ENOX1: variants seen among roughly 807,000 people sequenced by gnomAD.
ENOX1 encodes ecto-NOX disulfide-thiol exchanger 1, also known as candidate growth-related and time keeping constitutive hydroquinone (NADH) oxidase.
Under a neutral mutation model 82.5 loss-of-function variants are expected in ENOX1, and 42 were observed. The observed-to-expected ratio is 0.51, with a 90% CI of 0.40 to 0.66. The LOEUF is 0.66. ENOX1 is among the 30% of genes least tolerant of loss of function. The pLI is 0.00. For missense variants in ENOX1, 608 were observed against 811.6 expected, an observed-to-expected ratio of 0.75 and a Z score of 3.05; for synonymous variants, 271 against 282.2, an observed-to-expected ratio of 0.96 and a Z score of 0.40.
intron 14 of ENOX1, among the ~76,000 whole-genome samples, chr13:43,262,172 G>A (rs909230862): frequency 1.3e-5 from 2 of 152,084 alleles, no homozygotes; most frequent in African/African-American, 4.8e-5. Flanking sequence ...AAGCGTTAAT[G>A]GTGGTTATCT....
intron 1 of ENOX1, among the ~76,000 whole-genome samples, chr13:43,729,726 T>A (rs2089220331): frequency 6.6e-6 from 1 of 152,220 alleles, no homozygotes. Flanking sequence ...AGGAAGCAGA[T>A]GACAGAACAA....
intron 3 of ENOX1, among the ~76,000 whole-genome samples, chr13:43,478,944 C>CCCCAAGCCTTT (rs1555293795): frequency 6.6e-6 from 1 of 150,916 alleles, no homozygotes; most frequent in Non-Finnish European, 1.5e-5. Context: ...AGAGCCATTT[C>CCCCAAGCCTTT]GGGGGAGAAA....
chr13:43,379,559 A>C (rs2051885342), intron 5 of ENOX1, among the ~76,000 whole-genome samples: 1 of 152,116 alleles, frequency 6.6e-6, no homozygotes, highest in Non-Finnish European at 1.5e-5. Flanking sequence ...TTAACAGCAG[A>C]TTTGATGATT....
intron 9 of ENOX1, among the ~76,000 whole-genome samples, chr13:43,330,218 A>G (rs2048341071): frequency 6.6e-6 from 1 of 152,210 alleles, no homozygotes; most frequent in African/African-American, 2.4e-5. Flanking sequence ...CTTCTCAGAG[A>G]AAGATATAAC....
chr13:43,555,913 T>C (rs918778353), intron 2 of ENOX1, among the ~76,000 whole-genome samples: 3 of 152,240 alleles, frequency 2.0e-5, no homozygotes, highest in South Asian at 2.1e-4. Flanking sequence ...TTTTTAGAGA[T>C]AGCACAGAGC....
chr13:43,387,727 T>C (rs2052512441), intron 5 of ENOX1, among the ~76,000 whole-genome samples: 1 of 152,020 alleles, frequency 6.6e-6, no homozygotes, highest in African/African-American at 2.4e-5. Context: ...TATACACATA[T>C]ATGCATAAAC....
At chr13:43,315,040 A>G (rs1284969131) in intron 11 of ENOX1, among the ~76,000 whole-genome samples, 2 of 152,222 alleles carry the variant, frequency 1.3e-5, no homozygotes, top group African/African-American at 4.8e-5. Flanking sequence ...CTTGTCTGAA[A>G]CCAAAATCAT....
intron 1 of ENOX1, among the ~76,000 whole-genome samples, chr13:43,691,242 C>T (rs761408288): frequency 9.2e-5 from 14 of 151,962 alleles, no homozygotes; most frequent in Non-Finnish European, 1.6e-4. Context: ...AAGTAAGTAC[C>T]AAAACAAGTC....
At chr13:43,281,668 G>A (rs1157604455) in intron 12 of ENOX1, among the ~76,000 whole-genome samples, 7 of 152,124 alleles carry the variant, frequency 4.6e-5, no homozygotes, top group African/African-American at 1.7e-4. Context: ...TTTTGCTGAA[G>A]TCATCTGAAA....
At chr13:43,387,531 C>T (rs1330926781) in intron 5 of ENOX1, among the ~76,000 whole-genome samples, 1 of 152,084 alleles carries the variant, frequency 6.6e-6, no homozygotes, top group East Asian at 1.9e-4. Context: ...AGGGCCTCCT[C>T]ATCCCCACTA....
intron 1 of ENOX1, among the ~76,000 whole-genome samples, chr13:43,719,302 T>TACATACACACACAC (rs547079621): frequency 7.9e-6 from 1 of 126,682 alleles, no homozygotes; most frequent in Non-Finnish European, 1.7e-5. Context: ...TTCATTCAAA[T>TACATACACACACAC]ACACACACAC....
intron 5 of ENOX1, among the ~76,000 whole-genome samples, chr13:43,399,698 G>A (rs77062198): frequency 0.011 from 1,623 of 152,168 alleles, 23 homozygotes; most frequent in African/African-American, 0.037. Flanking sequence ...CCAAGTTTAC[G>A]CAGCTAAGGG....
At position 43,284,966 on chromosome 13, in the gene ENOX1, CAG is replaced by C. The variant is rs1179084545; in HGVS notation, c.1446+13378_1446+13379del. On this transcript the variant is annotated intron_variant, in intron 12 of 16. Coordinates refer to ENST00000690772, the MANE Select transcript of ENOX1 (RefSeq NM_001347969.2). ...GAGTCAGAGACACAGAGAGAAGAAACAGAAAGTACAAAAACCAGACAGTAATT... is the reference window on the plus strand; with the variant it reads ...GAGTCAGAGACACAGAGAGAAGAAACAAAGTACAAAAACCAGACAGTAATT... Among the ~76,000 whole-genome samples, 5 of 152,058 alleles carry C rather than the reference CAG, an allele frequency of 3.3e-5. No homozygotes were observed. The South Asian group carries it at 6.2e-4, about 19-fold the overall frequency.
intron 1 of ENOX1, among the ~76,000 whole-genome samples, chr13:43,707,980 G>A (rs535563649): frequency 1.3e-5 from 2 of 151,758 alleles, no homozygotes; most frequent in East Asian, 1.9e-4. Context: ...ACACCATCAG[G>A]TGATGGCTAG....
rs187552979 is a variant in ENOX1 at position 43,686,983 on chromosome 13, C to T, written c.-284-19439G>A. ...AGAAGTGAACTTTACTCACTTCCTC[C>T]GCTCCTCACAAAAAAGTATATATAC... On this transcript the variant is annotated intron_variant, in intron 1 of 16. Coordinates refer to ENST00000690772, the MANE Select transcript of ENOX1 (RefSeq NM_001347969.2). Among the ~76,000 whole-genome samples the T allele has an allele frequency of 1.2e-4, 14 of 121,218 alleles. No homozygotes were observed. The South Asian group carries it at 2.4e-3, about 21-fold the overall frequency. 79.5% of individuals were successfully genotyped at this position (121,218 alleles called of 152,430 possible).
intron 1 of ENOX1, among the ~76,000 whole-genome samples, chr13:43,779,927 C>G (rs546863493): frequency 2.0e-5 from 3 of 152,048 alleles, no homozygotes; most frequent in African/African-American, 7.2e-5. Context: ...GAGGCCAAGG[C>G]GGGCAGATCA....
intron 2 of ENOX1, among the ~76,000 whole-genome samples, chr13:43,557,223 G>A (rs2079479524): frequency 6.6e-6 from 1 of 152,176 alleles, no homozygotes; most frequent in African/African-American, 2.4e-5. Flanking sequence ...AAGACCATTT[G>A]GGGAGTCAAA....
chr13:43,475,468 A>G (rs1234597675), intron 3 of ENOX1, among the ~76,000 whole-genome samples: 1 of 152,186 alleles, frequency 6.6e-6, no homozygotes, highest in Non-Finnish European at 1.5e-5. Flanking sequence ...TACAACAAAA[A>G]TGAAGATTAA....
intron 2 of ENOX1, among the ~76,000 whole-genome samples, chr13:43,600,635 T>G (rs542965168): frequency 1.3e-3 from 199 of 152,280 alleles, no homozygotes; most frequent in African/African-American, 4.6e-3. Flanking sequence ...CTTGGCTGGC[T>G]TTACCACCTG....
Sources: allele counts gnomAD v4.1 joint callset (sites outside exome capture counted in the v4.1 genomes callset), GRCh38; gene constraint gnomAD v4.1.1; transcripts MANE v1.5; gene names NCBI Gene and HGNC (gene_info 2026-07-23, HGNC 2026-07-21).